PEX5L: variants seen among roughly 807,000 people sequenced by gnomAD.
The protein encoded by PEX5L is peroxisomal biogenesis factor 5 like.
PEX5L carries 30 observed loss-of-function variants against 84.0 expected under a neutral mutation model. The observed-to-expected ratio is 0.36, with a 90% CI of 0.27 to 0.48. The LOEUF (loss-of-function observed/expected upper bound fraction) is 0.48. Ranked by LOEUF, PEX5L falls within the 20% of genes least tolerant of loss-of-function variation. The pLI is 0.99. For missense variants in PEX5L, 533 were observed against 754.6 expected (o/e 0.71, Z 3.44); for synonymous variants, 270 against 283.1 (o/e 0.95, Z 0.46).
rs371237590 is a variant in PEX5L, at chr3:179,867,787, G to T, written c.726+6540C>A. On this transcript the variant is annotated intron_variant, in intron 7 of 14. Transcript: ENST00000467460. The stretch of plus-strand genomic sequence containing the variant: ...TTGACAATCATTTTGGAAGAGGAAG[G>T]CACAAAATTGTGTATGGCCTGAAAT... Among the ~76,000 whole-genome samples, 5 of 152,218 alleles carry T rather than the reference G, an allele frequency of 3.3e-5. No individual in the cohort carries two copies. In the East Asian group the frequency reaches 9.6e-4, roughly 29 times the overall value.
At chr3:179,882,671 C>T (rs889960694) in intron 4 of PEX5L, among the ~76,000 whole-genome samples, 1 of 152,204 alleles carries the variant, frequency 6.6e-6, no homozygotes, top group Non-Finnish European at 1.5e-5. Context: ...AATCTTATTG[C>T]TCCACACAAA....
At chr3:179,975,687 A>G (rs1032002388) in intron 1 of PEX5L, among the ~76,000 whole-genome samples, 6 of 152,206 alleles carry the variant, frequency 3.9e-5, no homozygotes. Flanking sequence ...TGTTTTCTTC[A>G]TGGTTGTCAG....
Position 179,798,322 on chromosome 3 carries a change from A to T in PEX5L, c.*3506T>A, listed in dbSNP as rs1043753022. The T allele has an allele frequency of 6.6e-6, 1 of 152,126 alleles. No individual in the cohort carries two copies. The highest frequency in any genetic ancestry group is 2.4e-5 in the African/African-American group (1 of 41,414). 9.4% of individuals were successfully genotyped at this position (152,126 alleles called of 1,614,324 possible). ...CTATTAAAATTTCCTGGTGGACGAG[A>T]TCTACCCATTTTTCAGGAGTCATGG... On this transcript the variant is annotated 3_prime_UTR_variant, in exon 15 of 15. Transcript: ENST00000467460.
At chr3:179,901,029 G>A (rs1761147120) in intron 2 of PEX5L, among the ~76,000 whole-genome samples, 2 of 152,108 alleles carry the variant, frequency 1.3e-5, no homozygotes, top group Admixed American at 1.3e-4. Context: ...TTTCTGACTT[G>A]TCTATTTATC....
At chr3:179,948,381 T>G (rs1778170326) in intron 2 of PEX5L, among the ~76,000 whole-genome samples, 1 of 152,214 alleles carries the variant, frequency 6.6e-6, no homozygotes. Flanking sequence ...CTAAAGTATC[T>G]TCCAAAAACA....
At chr3:179,867,029 A>AAAAAAAAAAAAAG (rs1285396509) in intron 7 of PEX5L, among the ~76,000 whole-genome samples, 1 of 149,070 alleles carries the variant, frequency 6.7e-6, no homozygotes, top group Non-Finnish European at 1.5e-5. Context: ...CTGTCTCAAA[A>AAAAAAAAAAAAAG]AAAAAAAAAA....
intron 4 of PEX5L, among the ~76,000 whole-genome samples, chr3:179,886,011 A>T (rs1755734041): frequency 6.6e-6 from 1 of 152,214 alleles, no homozygotes; most frequent in African/African-American, 2.4e-5. Context: ...TTTTTCCTAC[A>T]GTATTTCACA....
intron 2 of PEX5L, among the ~76,000 whole-genome samples, chr3:179,952,658 T>A (rs896413917): frequency 5.9e-5 from 9 of 152,204 alleles, no homozygotes; most frequent in South Asian, 2.1e-4. Flanking sequence ...ATCAATATTG[T>A]GAAAATGGCC....
At chr3:179,985,002 C>CT (rs556190899) in intron 1 of PEX5L, among the ~76,000 whole-genome samples, 37 of 152,218 alleles carry the variant, frequency 2.4e-4, no homozygotes, top group Non-Finnish European at 4.7e-4. Flanking sequence ...TTCCCGTGCT[C>CT]TTTTTTTACC....
At position 179,912,661 on chromosome 3, in the gene PEX5L, T is replaced by C. The variant is rs1043211757; in HGVS notation, c.94-14415A>G. ...CCTATTAGAATTTATGTTTGAAAAT[T>C]TAGAATTGGTCGAATCTCCACTCCC... On this transcript the variant is annotated intron_variant, in intron 2 of 14. Coordinates refer to ENST00000467460, the MANE Select transcript of PEX5L (RefSeq NM_016559.3). Among the ~76,000 whole-genome samples, 5 of 152,046 alleles carry C rather than the reference T, an allele frequency of 3.3e-5. 1 individual carries two copies. Among genetic ancestry groups the C allele is most frequent in the Non-Finnish European group, 1.5e-5 (1 of 67,940 alleles).
chr3:179,797,605 A>AAATATATATATAT lies in PEX5L; in HGVS notation c.*4222_*4223insATATATATATATT, dbSNP rs1553807980. On this transcript the variant is annotated 3_prime_UTR_variant, in exon 15 of 15. Coordinates refer to ENST00000467460, the MANE Select transcript of PEX5L (RefSeq NM_016559.3). ...AACACTCTTTAAAAAAAAAAAAAAA[A>AAATATATATATAT]ATATATATATATATATATATATATA... 2 of 89,174 alleles carry AAATATATATATAT rather than the reference A, an allele frequency of 2.2e-5. No individual in the cohort carries two copies. The highest frequency in any genetic ancestry group is 4.5e-5 in the African/African-American group (1 of 22,200). The allele number at this position is 89,174 out of a possible 1,614,324, so 5.5% of individuals were successfully genotyped here.
chr3:179,941,052 A>C (rs1213407854), intron 2 of PEX5L, among the ~76,000 whole-genome samples: 2 of 152,252 alleles, frequency 1.3e-5, no homozygotes, highest in African/African-American at 2.4e-5. Context: ...TTGAAATGTA[A>C]CAGTGGCAGA....
chr3:179,957,184 T>G (rs770113546), intron 2 of PEX5L, among the ~76,000 whole-genome samples: 1 of 152,206 alleles, frequency 6.6e-6, no homozygotes, highest in Non-Finnish European at 1.5e-5. Flanking sequence ...CTTGCAATTA[T>G]GCAAAAGTGA....
rs550426233 is a variant in PEX5L, at chr3:179,838,991, C to T, written c.823-19015G>A. ...TGGAGAACACAATCTCTAAACTAAT[C>T]AGCAAATCCAGACTCTGATAAAGAA... On this transcript the variant is annotated intron_variant, in intron 8 of 14. Coordinates refer to ENST00000467460, the MANE Select transcript of PEX5L (RefSeq NM_016559.3). Among the ~76,000 whole-genome samples the T allele has an allele frequency of 1.3e-4, 20 of 151,574 alleles. No individual in the cohort carries two copies. The South Asian group carries it at 4.2e-3, about 32-fold the overall frequency.
intron 1 of PEX5L, among the ~76,000 whole-genome samples, chr3:179,979,024 A>G (rs1210943837): frequency 6.6e-6 from 1 of 152,198 alleles, no homozygotes; most frequent in African/African-American, 2.4e-5. Flanking sequence ...ATAGTATGTA[A>G]TCACCTCTGG....
At chr3:179,900,540 T>TAAAACA (rs1299856176) in intron 2 of PEX5L, 3 of 651,236 alleles carry the variant, frequency 4.6e-6, no homozygotes, top group Non-Finnish European at 8.0e-6. Flanking sequence ...GCCATTTCAC[T>TAAAACA]AAAACAAAAA....
chr3:179,882,037 T>C (rs2108793970), intron 4 of PEX5L, among the ~76,000 whole-genome samples: 1 of 152,308 alleles, frequency 6.6e-6, no homozygotes, highest in Admixed American at 6.5e-5. Flanking sequence ...CACTGAATGG[T>C]CAAATAGAAA....
chr3:179,911,600 T>G (rs1347205602), intron 2 of PEX5L, among the ~76,000 whole-genome samples: 1 of 152,202 alleles, frequency 6.6e-6, no homozygotes, highest in East Asian at 1.9e-4. Context: ...CATGTCTATT[T>G]GGGAGTCCAT....
chr3:179,918,302 G>A (rs919974063), intron 2 of PEX5L, among the ~76,000 whole-genome samples: 4 of 152,042 alleles, frequency 2.6e-5, no homozygotes, highest in African/African-American at 7.2e-5. Context: ...AAAAGCATAC[G>A]GATTCCAAGT....
Sources: gnomAD v4.1 joint callset for allele counts (sites outside exome capture counted in the v4.1 genomes callset) on GRCh38, gnomAD v4.1.1 for gene constraint, MANE v1.5 for transcripts, NCBI Gene and HGNC (gene_info 2026-07-23, HGNC 2026-07-21) for gene names.